RIMKLB: variants seen among roughly 807,000 people sequenced by gnomAD.
RIMKLB encodes the protein beta-citrylglutamate synthase B.
Under a neutral mutation model 32.0 loss-of-function variants are expected in RIMKLB, and 7 were observed. The observed-to-expected ratio is 0.22, with a 90% CI of 0.12 to 0.41. The LOEUF (loss-of-function observed/expected upper bound fraction) is 0.41, where lower values mean the gene tolerates loss of function less well. Among genes scored for constraint, RIMKLB ranks in the 10% least tolerant of loss-of-function variants. The pLI, the probability that RIMKLB is intolerant of heterozygous loss-of-function variation, is 1.00. For synonymous variants in RIMKLB, 172 were observed against 185.1 expected, an observed-to-expected ratio of 0.93 and a Z score of 0.57; for missense variants, 289 against 498.7, an observed-to-expected ratio of 0.58 and a Z score of 4.00.
rs896185751 is a variant in RIMKLB at position 8,698,291 on chromosome 12, G to T, written c.-63G>T. On this transcript the variant is annotated 5_prime_UTR_variant, in exon 1 of 6. Transcript: ENST00000535829. Reference sequence around the variant, plus strand: ...GCCGAGAGCGAGGGAGGAGCCCCCCGACCCAGGTGAGCGGTACGACCGCTG... The same window carrying T: ...GCCGAGAGCGAGGGAGGAGCCCCCCTACCCAGGTGAGCGGTACGACCGCTG... 2.9e-6 allele frequency: 1 copy of T among 346,906 alleles called. No individual in the cohort carries two copies. Among genetic ancestry groups the T allele is most frequent in the East Asian group, 1.5e-4 (1 of 6,532 alleles). 21.5% of individuals were successfully genotyped at this position (346,906 alleles called of 1,614,324 possible).
intron 5 of RIMKLB, among the ~76,000 whole-genome samples, chr12:8,761,575 C>T (rs891056790): frequency 1.1e-4 from 16 of 152,068 alleles, no homozygotes; most frequent in African/African-American, 3.1e-4. Context: ...ATTTCTTTAC[C>T]GCCTGCTTTA....
intron 5 of RIMKLB, among the ~76,000 whole-genome samples, chr12:8,767,282 GC>G (rs1950048012): frequency 6.6e-6 from 1 of 152,194 alleles, no homozygotes; most frequent in African/African-American, 2.4e-5. Context: ...CAAACTTGGG[GC>G]CCTGGCAAGG....
chr12:8,687,148 T>C (rs1016462373), intron 1 of RIMKLB, among the ~76,000 whole-genome samples: 3 of 152,228 alleles, frequency 2.0e-5, no homozygotes, highest in African/African-American at 7.2e-5. Flanking sequence ...CACAGGATGA[T>C]CCGTTTACTG....
At chr12:8,703,812 A>T (rs954389936) in intron 1 of RIMKLB, among the ~76,000 whole-genome samples, 6 of 152,244 alleles carry the variant, frequency 3.9e-5, no homozygotes, top group African/African-American at 1.4e-4. Flanking sequence ...CACACTGCAG[A>T]GGGATGGTTG....
At chr12:8,723,002 A>G (rs1322239961) in intron 2 of RIMKLB, among the ~76,000 whole-genome samples, 3 of 152,236 alleles carry the variant, frequency 2.0e-5, no homozygotes, top group Admixed American at 6.5e-5. Flanking sequence ...CATATCACCA[A>G]TAAGGCTGCT....
At chr12:8,724,387 T>G in intron 2 of RIMKLB, among the ~76,000 whole-genome samples, 1 of 152,242 alleles carries the variant, frequency 6.6e-6, no homozygotes, top group East Asian at 1.9e-4. Context: ...TCTCCATTTC[T>G]TTAGGATCAT....
At chr12:8,692,771 G>C (rs1375043151), upstream of RIMKLB, among the ~76,000 whole-genome samples, 1 of 152,200 alleles carries the variant, frequency 6.6e-6, no homozygotes, top group African/African-American at 2.4e-5. Flanking sequence ...TCAGTGTTTA[G>C]CTATTCTACT....
chr12:8,772,512 T>C (rs918437242), intron 5 of RIMKLB, among the ~76,000 whole-genome samples: 7 of 152,238 alleles, frequency 4.6e-5, no homozygotes, highest in Admixed American at 2.0e-4. Context: ...AATCATTTAA[T>C]TCACGGGCCA....
intron 2 of RIMKLB, among the ~76,000 whole-genome samples, chr12:8,721,738 G>C (rs1461753123): frequency 4.6e-5 from 7 of 151,850 alleles, no homozygotes; most frequent in Non-Finnish European, 8.8e-5. Flanking sequence ...AATTATGAGT[G>C]TTTTTTGTTT....
At chr12:8,735,551 A>G (rs1224455174) in intron 2 of RIMKLB, among the ~76,000 whole-genome samples, 1 of 151,800 alleles carries the variant, frequency 6.6e-6, no homozygotes, top group East Asian at 1.9e-4. Flanking sequence ...TTTTTAATGT[A>G]AATACCAAGA....
chr12:8,782,643 TGTAAAACA>T (rs1951160666), intron 7 of RIMKLB, among the ~76,000 whole-genome samples: 1 of 152,200 alleles, frequency 6.6e-6, no homozygotes, highest in East Asian at 1.9e-4. Flanking sequence ...AGGTTGCTCT[TGTAAAACA>T]GTAATAGATT....
In RIMKLB at chr12:8,773,913, GGAGA is replaced by G; in HGVS notation, c.*133_*136del. The G allele has an allele frequency of 7.0e-7, 1 of 1,438,538 alleles. No homozygotes were observed. Among genetic ancestry groups the G allele is most frequent in the South Asian group, 1.5e-5 (1 of 66,604 alleles). 89.1% of individuals were successfully genotyped at this position (1,438,538 alleles called of 1,614,324 possible). ...TGAGAGAAAATTAGTAGGATTAGTT[GGAGA>G]GAGTGGGAGATAGATGAGACCTCTG... On this transcript the variant is annotated 3_prime_UTR_variant, in exon 6 of 6. Coordinates refer to ENST00000535829, the MANE Select transcript of RIMKLB (RefSeq NM_001297776.2).
chr12:8,761,924 G>A (rs1949558938), intron 5 of RIMKLB, among the ~76,000 whole-genome samples: 2 of 152,200 alleles, frequency 1.3e-5, no homozygotes, highest in Middle Eastern at 3.4e-3. Context: ...AGGGGTCTGC[G>A]GTAGATCTTA....
chr12:8,746,191 C>G (rs1271228307), intron 2 of RIMKLB, among the ~76,000 whole-genome samples: 3 of 151,750 alleles, frequency 2.0e-5, no homozygotes, highest in Non-Finnish European at 4.4e-5. Context: ...CTTAACATTC[C>G]CATTCTCTAT....
At chr12:8,710,965 CAAAA>C (rs748394546) in intron 1 of RIMKLB, among the ~76,000 whole-genome samples, 93 of 65,764 alleles carry the variant, frequency 1.4e-3, no homozygotes, top group Admixed American at 4.4e-3. Flanking sequence ...ACATCTTTAC[CAAAA>C]AAAAAAAAAA....
intron 2 of RIMKLB, among the ~76,000 whole-genome samples, chr12:8,734,024 G>T (rs188219859): frequency 3.9e-5 from 6 of 152,294 alleles, no homozygotes; most frequent in Admixed American, 2.0e-4. Flanking sequence ...GTGCTTGTAG[G>T]TCTACTAGAG....
intron 2 of RIMKLB, among the ~76,000 whole-genome samples, chr12:8,720,888 TAGACAC>T (rs1205928836): frequency 2.6e-5 from 4 of 152,128 alleles, no homozygotes; most frequent in African/African-American, 9.7e-5. Flanking sequence ...GCCTTGTAGC[TAGACAC>T]AAAGTGAGAC....
Position 8,773,912 on chromosome 12 carries a change from T to G in RIMKLB, c.*128T>G. The G allele has an allele frequency of 3.5e-6, 5 of 1,441,848 alleles. No homozygotes were observed. Among genetic ancestry groups the G allele is most frequent in the Non-Finnish European group, 4.5e-6 (5 of 1,100,886 alleles). 89.3% of individuals were successfully genotyped at this position (1,441,848 alleles called of 1,614,324 possible). ...ATGAGAGAAAATTAGTAGGATTAGT[T>G]GGAGAGAGTGGGAGATAGATGAGAC... On this transcript the variant is annotated 3_prime_UTR_variant, in exon 6 of 6. Transcript: ENST00000535829.
rs140866994 is a variant in RIMKLB, at chr12:8,691,750, G to A, written n.219+9932G>A. Among the ~76,000 whole-genome samples, 539 of 152,320 alleles carry A rather than the reference G, an allele frequency of 3.5e-3. 2 individuals are homozygous for A. Among genetic ancestry groups the A allele is most frequent in the Admixed American group, 5.6e-3 (85 of 15,300 alleles). ...TACTGAACAGGGCTCCCCAGTCTAA[G>A]TCTTTCATTGTACAAAAAACAGCAA... On this transcript the variant is annotated intron_variant and non_coding_transcript_variant, in intron 1 of 1. Coordinates refer to the RIMKLB transcript ENST00000538758.
Sources: allele counts gnomAD v4.1 joint callset (sites outside exome capture counted in the v4.1 genomes callset), GRCh38; gene constraint gnomAD v4.1.1; transcripts MANE v1.5; gene names NCBI Gene and HGNC (gene_info 2026-07-23, HGNC 2026-07-21).